Variants in PSMA1 observed in about 807,000 individuals in gnomAD.
PSMA1 encodes proteasome 20S subunit alpha 1.
PSMA1 carries 3 observed loss-of-function variants against 38.4 expected under a neutral mutation model. The observed-to-expected ratio is 0.08, with a 90% CI of 0.04 to 0.20. The LOEUF is 0.20. Ranked by LOEUF, PSMA1 falls within the 10% of genes least tolerant of loss-of-function variation. The pLI, the probability that PSMA1 is intolerant of heterozygous loss-of-function variation, is 1.00. For synonymous variants in PSMA1, 101 were observed against 107.1 expected (o/e 0.94, Z 0.35); for missense variants, 227 against 325.3 (o/e 0.70, Z 2.32).
intron 2 of PSMA1, among the ~76,000 whole-genome samples, chr11:14,575,409 C>A (rs888491283): frequency 6.6e-6 from 1 of 151,988 alleles, no homozygotes; most frequent in African/African-American, 2.4e-5. Context: ...TCCCTCCCCC[C>A]TACCCCCACC....
chr11:14,630,253 G>T (rs1852983447), intron 1 of PSMA1, among the ~76,000 whole-genome samples: 1 of 152,150 alleles, frequency 6.6e-6, no homozygotes, highest in Non-Finnish European at 1.5e-5. Flanking sequence ...AGTTTTCAAA[G>T]GGAATGCTTC....
intron 2 of PSMA1, among the ~76,000 whole-genome samples, chr11:14,580,330 A>G (rs1289436302): frequency 6.6e-6 from 1 of 152,150 alleles, no homozygotes; most frequent in African/African-American, 2.4e-5. Flanking sequence ...TTGCCTTCCT[A>G]GCCTTGAACA....
intron 2 of PSMA1, among the ~76,000 whole-genome samples, chr11:14,525,489 A>G (rs1222975033): frequency 6.6e-6 from 1 of 152,158 alleles, no homozygotes; most frequent in African/African-American, 2.4e-5. Context: ...AAAGCCTGTT[A>G]TCAGTTGCCT....
intron 2 of PSMA1, among the ~76,000 whole-genome samples, chr11:14,557,237 T>C (rs1263266399): frequency 3.3e-5 from 5 of 152,188 alleles, no homozygotes; most frequent in African/African-American, 1.2e-4. Context: ...TAACTTTATC[T>C]TTTAATTTTT....
At chr11:14,550,545 G>A (rs1432118928) in intron 2 of PSMA1, among the ~76,000 whole-genome samples, 2 of 152,046 alleles carry the variant, frequency 1.3e-5, no homozygotes, top group African/African-American at 4.8e-5. Context: ...CAAAGTTTGG[G>A]AAGACCTTAT....
At chr11:14,625,305 G>A (rs771261900) in intron 1 of PSMA1, among the ~76,000 whole-genome samples, 1 of 152,126 alleles carries the variant, frequency 6.6e-6, no homozygotes, top group Admixed American at 6.5e-5. Context: ...AAAATTAGCT[G>A]GGTTTGGTGG....
At chr11:14,614,438 T>C (rs913798937) in intron 1 of PSMA1, among the ~76,000 whole-genome samples, 1 of 152,062 alleles carries the variant, frequency 6.6e-6, no homozygotes, top group South Asian at 2.1e-4. Flanking sequence ...TTCTTCAGAC[T>C]GTATATCTGG....
upstream of PSMA1, among the ~76,000 whole-genome samples, chr11:14,523,823 T>TC (rs1023671099): frequency 2.0e-5 from 3 of 151,734 alleles, no homozygotes; most frequent in African/African-American, 7.3e-5. Context: ...ACTCAAGCTA[T>TC]CCTCCTGCCT....
chr11:14,512,656 AG>A (rs373405694), intron 7 of PSMA1, among the ~76,000 whole-genome samples: 11 of 152,308 alleles, frequency 7.2e-5, no homozygotes, highest in African/African-American at 2.4e-4. Flanking sequence ...CCTTATGGGA[AG>A]GAAAGAGCAT....
intron 2 of PSMA1, among the ~76,000 whole-genome samples, chr11:14,591,076 G>A (rs969998523): frequency 1.3e-5 from 2 of 152,224 alleles, no homozygotes; most frequent in Admixed American, 6.5e-5. Flanking sequence ...AGGCGCGAGC[G>A]GGAACCGGGG....
intron 2 of PSMA1, among the ~76,000 whole-genome samples, chr11:14,607,549 A>C (rs1852657419): frequency 6.6e-6 from 1 of 152,218 alleles, no homozygotes; most frequent in African/African-American, 2.4e-5. Flanking sequence ...TGTCTAGCCA[A>C]GTTGTCCTAT....
At chr11:14,615,100 T>C (rs1565058835) in intron 1 of PSMA1, among the ~76,000 whole-genome samples, 1 of 152,248 alleles carries the variant, frequency 6.6e-6, no homozygotes, top group Non-Finnish European at 1.5e-5. Flanking sequence ...GCAAGTTCTT[T>C]TGTATATCTA....
At chr11:14,602,332 TC>T (rs1414408306) in intron 2 of PSMA1, among the ~76,000 whole-genome samples, 1 of 152,204 alleles carries the variant, frequency 6.6e-6, no homozygotes, top group Non-Finnish European at 1.5e-5. Flanking sequence ...GTCTCATTTA[TC>T]ACCACCTCTT....
chr11:14,612,698 G>A (rs1482777547), intron 1 of PSMA1, among the ~76,000 whole-genome samples: 2 of 152,080 alleles, frequency 1.3e-5, no homozygotes, highest in African/African-American at 4.8e-5. Flanking sequence ...TTTAAAATTT[G>A]TCAAGCATTT....
At chr11:14,511,851 A>T (rs1326880648) in intron 7 of PSMA1, among the ~76,000 whole-genome samples, 1 of 152,224 alleles carries the variant, frequency 6.6e-6, no homozygotes, top group Non-Finnish European at 1.5e-5. Context: ...TTCCCAGACA[A>T]CATGATCTTA....
At chr11:14,628,987 G>A (rs1852959693) in intron 1 of PSMA1, among the ~76,000 whole-genome samples, 1 of 151,250 alleles carries the variant, frequency 6.6e-6, no homozygotes, top group Non-Finnish European at 1.5e-5. Flanking sequence ...GTCTGTTCAT[G>A]TCCTTCGCCC....
intron 2 of PSMA1, among the ~76,000 whole-genome samples, chr11:14,587,255 G>A (rs1380027447): frequency 5.9e-5 from 9 of 152,080 alleles, no homozygotes; most frequent in South Asian, 2.1e-4. Context: ...GACTGGAAAC[G>A]GGAAGAGAGA....
At chr11:14,572,287 A>G (rs1458942706) in intron 2 of PSMA1, among the ~76,000 whole-genome samples, 1 of 152,220 alleles carries the variant, frequency 6.6e-6, no homozygotes, top group Non-Finnish European at 1.5e-5. Context: ...CAGCAAATGT[A>G]AAAAAACAGA....
chr11:14,634,067 C>G (rs1334618191), intron 1 of PSMA1, among the ~76,000 whole-genome samples: 1 of 152,166 alleles, frequency 6.6e-6, no homozygotes, highest in Non-Finnish European at 1.5e-5. Flanking sequence ...GAACCTGGTA[C>G]CTCAGATGGA....
Sources: gnomAD v4.1 joint callset for allele counts (sites outside exome capture counted in the v4.1 genomes callset) on GRCh38, gnomAD v4.1.1 for gene constraint, MANE v1.5 for transcripts, NCBI Gene and HGNC (gene_info 2026-07-23, HGNC 2026-07-21) for gene names.